The following DNAH8 variants were observed in gnomAD, a reference collection of about 807,000 sequenced individuals.
DNAH8 encodes the protein dynein axonemal heavy chain 8, also known as axonemal beta dynein heavy chain 8.
Under a neutral mutation model 562.1 loss-of-function variants are expected in DNAH8, and 382 were observed. That is an observed-to-expected ratio of 0.68 (90% confidence interval 0.63 to 0.74). DNAH8 has a LOEUF of 0.74. Ranked by LOEUF, DNAH8 falls within the 30% of genes least tolerant of loss-of-function variation. The probability of loss-of-function intolerance (pLI) is 0.00; values close to 1 mark genes in which losing one functional copy is unlikely to be tolerated. For missense variants in DNAH8, 5,203 were observed against 5,620.4 expected (o/e 0.93, Z 2.37); for synonymous variants, 1,881 against 1,919.4 (o/e 0.98, Z 0.52).
intron 4 of DNAH8, among the ~76,000 whole-genome samples, chr6:38,733,108 T>C (rs1763784593): frequency 6.6e-6 from 1 of 152,106 alleles, no homozygotes; most frequent in African/African-American, 2.4e-5. Context: ...CCCAGGTTGG[T>C]CTCAAACTTC....
chr6:39,024,917 CT>C (rs1194119797), intron 91 of DNAH8, among the ~76,000 whole-genome samples: 3 of 152,228 alleles, frequency 2.0e-5, no homozygotes, highest in African/African-American at 7.2e-5. Flanking sequence ...GTCAACTCTT[CT>C]TTTGGGTTAA....
At chr6:38,998,670 A>G (rs1157293512) in intron 88 of DNAH8, among the ~76,000 whole-genome samples, 1 of 152,124 alleles carries the variant, frequency 6.6e-6, no homozygotes, top group Non-Finnish European at 1.5e-5. Flanking sequence ...GTAGTTGTTT[A>G]TTTCATAGAC....
chr6:38,881,594 C>T (rs1452639853), intron 53 of DNAH8, among the ~76,000 whole-genome samples: 2 of 149,998 alleles, frequency 1.3e-5, no homozygotes, highest in African/African-American at 4.9e-5. Flanking sequence ...CTTTGTTGCC[C>T]ACGCTGGAGT....
intron 53 of DNAH8, among the ~76,000 whole-genome samples, chr6:38,878,712 A>G (rs543599999): frequency 2.0e-5 from 3 of 152,302 alleles, no homozygotes; most frequent in Admixed American, 1.3e-4. Context: ...ACATTTGACA[A>G]TGAAGATGAA....
At position 38,734,555 on chromosome 6, in the gene DNAH8, T is replaced by G; in HGVS notation, c.692T>G (p.Leu231Arg). The G allele has an allele frequency of 1.2e-6, 2 of 1,613,936 alleles. No homozygotes were observed. The highest frequency in any genetic ancestry group is 1.7e-6 in the Non-Finnish European group (2 of 1,179,990). The change falls in exon 5 of 93, where the codon CTA becomes CGA. Residue 231 changes from leucine (L) to arginine (R), a missense_variant. Around this residue, in one of 6 missense-constraint regions of DNAH8, gnomAD observed 556 missense variants for 496.9 expected, o/e 1.12. Transcript: ENST00000327475. ...ATAGACAATGCAGCCCCGGATAAAC[T>G]AAAAGGACTGTGCATATTTTTTGTT... ...LYIDNAAPDK[L>R]KGLCIFFVRC...
At chr6:38,818,981 A>G (rs370120566) in intron 26 of DNAH8, among the ~76,000 whole-genome samples, 3 of 152,306 alleles carry the variant, frequency 2.0e-5, no homozygotes, top group East Asian at 3.9e-4. Flanking sequence ...TTCTTGCTGG[A>G]CATTTATTAC....
intron 26 of DNAH8, among the ~76,000 whole-genome samples, chr6:38,816,167 A>G (rs1772254439): frequency 6.6e-6 from 1 of 152,024 alleles, no homozygotes; most frequent in Non-Finnish European, 1.5e-5. Flanking sequence ...TGCTGCACCT[A>G]TCAACCCATC....
chr6:38,837,492 A>T (rs1774394414), intron 32 of DNAH8, among the ~76,000 whole-genome samples: 1 of 152,248 alleles, frequency 6.6e-6, no homozygotes, highest in African/African-American at 2.4e-5. Flanking sequence ...AATGGTGTTA[A>T]AATTGGATCT....
chr6:38,947,780 C>A (rs1761554173), intron 80 of DNAH8, among the ~76,000 whole-genome samples: 1 of 151,366 alleles, frequency 6.6e-6, no homozygotes, highest in South Asian at 2.1e-4. Flanking sequence ...TGGAGTCTCA[C>A]TCTGTTGCCC....
At position 38,873,079 on chromosome 6, in the gene DNAH8, G is replaced by A; in HGVS notation, c.7411G>A (p.Ala2471Thr). 6.2e-7 allele frequency: 1 copy of A among 1,614,048 alleles called. No homozygotes were observed. The highest frequency in any genetic ancestry group is 8.5e-7 in the Non-Finnish European group (1 of 1,179,994). The change falls in exon 51 of 93, where the codon GCC becomes ACC. Residue 2471 changes from alanine to threonine, a missense_variant. By Grantham distance (58) the Ala-to-Thr change is moderately conservative (BLOSUM62 0). Coordinates refer to ENST00000327475, the MANE Select transcript of DNAH8 (RefSeq NM_001206927.2). ...EVHNIENASP[A>T]TVSRMGMVYI... ...CCACAATATCGAGAACGCCTCTCCT[G>A]CCACGGTTTCTAGGATGGGCATGGT...
At chr6:38,894,599 A>G in intron 58 of DNAH8, 102 bp from the exon 59 acceptor site, 2 of 935,940 alleles carry the variant, frequency 2.1e-6, no homozygotes, top group Non-Finnish European at 3.3e-6. Context: ...TTTACTCAGC[A>G]GATTTTATCT....
At chr6:38,963,520 A>G (rs536162514) in intron 82 of DNAH8, among the ~76,000 whole-genome samples, 2 of 132,694 alleles carry the variant, frequency 1.5e-5, no homozygotes, top group African/African-American at 2.8e-5. Flanking sequence ...ATGCACCACC[A>G]CGCCCAGCTA....
At chr6:38,872,300 A>G (rs1777530717) in intron 49 of DNAH8, among the ~76,000 whole-genome samples, 1 of 152,214 alleles carries the variant, frequency 6.6e-6, no homozygotes, top group Admixed American at 6.5e-5. Context: ...TGAGTTAATT[A>G]TTTCCAAAAT....
At chr6:38,746,112 C>T (rs754927852) in intron 8 of DNAH8, among the ~76,000 whole-genome samples, 17 of 152,252 alleles carry the variant, frequency 1.1e-4, no homozygotes, top group Non-Finnish European at 1.9e-4. Flanking sequence ...ATTCCTTCCA[C>T]GTTTATTAAT....
intron 71 of DNAH8, among the ~76,000 whole-genome samples, chr6:38,922,190 T>C (rs1014598215): frequency 6.6e-6 from 1 of 151,632 alleles, no homozygotes; most frequent in Non-Finnish European, 1.5e-5. Flanking sequence ...CTAGCTCTGT[T>C]TGTAAAATGG....
At chr6:38,865,514 G>A (rs979768846) in intron 45 of DNAH8, among the ~76,000 whole-genome samples, 7 of 152,266 alleles carry the variant, frequency 4.6e-5, no homozygotes, top group African/African-American at 1.7e-4. Context: ...ATTCTCTTAA[G>A]ATCCTTTTAT....
At chr6:38,962,417 A>G (rs1367941631) in intron 82 of DNAH8, among the ~76,000 whole-genome samples, 1 of 152,186 alleles carries the variant, frequency 6.6e-6, no homozygotes, top group African/African-American at 2.4e-5. Flanking sequence ...CAATAATTTT[A>G]TCATTTACAT....
At chr6:38,788,031 A>G (rs531886423) in intron 18 of DNAH8, among the ~76,000 whole-genome samples, 1 of 152,334 alleles carries the variant, frequency 6.6e-6, no homozygotes, top group South Asian at 2.1e-4. Context: ...ATGAGTTATA[A>G]GATAACTATA....
intron 3 of DNAH8, among the ~76,000 whole-genome samples, chr6:38,729,696 A>C (rs936719455): frequency 6.6e-6 from 1 of 152,144 alleles, no homozygotes; most frequent in Non-Finnish European, 1.5e-5. Flanking sequence ...GCCCAAAACT[A>C]TATATGTAGG....
Sources: gnomAD v4.1 joint callset for allele counts (sites outside exome capture counted in the v4.1 genomes callset) on GRCh38, gnomAD v4.1.1 for gene constraint, gnomAD v4.1.1 regional missense constraint, MANE v1.5 for transcripts, NCBI Gene and HGNC (gene_info 2026-07-23, HGNC 2026-07-21) for gene names.